NFIC: variants seen among roughly 807,000 people sequenced by gnomAD.
The protein encoded by NFIC is nuclear factor 1 C-type.
In NFIC, 12 loss-of-function variants were observed where a neutral mutation model predicts 54.4. The observed-to-expected ratio is 0.22, with a 90% CI of 0.14 to 0.36. The LOEUF (loss-of-function observed/expected upper bound fraction) is 0.36, where lower values mean the gene tolerates loss of function less well. Ranked by LOEUF, NFIC falls within the 10% of genes least tolerant of loss-of-function variation. NFIC has a pLI of 1.00. For synonymous variants in NFIC, 322 were observed against 319.2 expected (o/e 1.01, Z -0.09); for missense variants, 575 against 718.2 (o/e 0.80, Z 2.28).
intron 2 of NFIC, among the ~76,000 whole-genome samples, chr19:3,414,033 C>T (rs1437591154): frequency 6.6e-6 from 1 of 152,090 alleles, no homozygotes; most frequent in Non-Finnish European, 1.5e-5. Context: ...GCCGCTGTGT[C>T]CCTTGGGCGT....
At chr19:3,366,266 G>C (rs1380295965), upstream of NFIC, among the ~76,000 whole-genome samples, 4 of 150,354 alleles carry the variant, frequency 2.7e-5, no homozygotes. Context: ...TGAGACGTCG[G>C]GGGAGGCTCT....
intron 2 of NFIC, among the ~76,000 whole-genome samples, chr19:3,394,951 C>T (rs1431087535): frequency 6.6e-6 from 1 of 152,058 alleles, no homozygotes; most frequent in South Asian, 2.1e-4. Context: ...GTCCCTGGGG[C>T]CAAGAAGGTT....
At position 3,452,512 on chromosome 19, in the gene NFIC, C is replaced by G. The variant is rs2082481120; in HGVS notation, c.1115C>G (p.Ala372Gly). The G allele has an allele frequency of 1.2e-6, 2 of 1,613,074 alleles. No individual in the cohort carries two copies. Among genetic ancestry groups the G allele is most frequent in the Non-Finnish European group, 8.5e-7 (1 of 1,180,016 alleles). The change falls in exon 8 of 11, where the codon GCT (alanine) becomes GGT (glycine). Residue 372 changes from alanine (A) to glycine (G), a missense_variant. Ala to Gly is a moderately conservative substitution (Grantham distance 60). Transcript: ENST00000443272. This position sits in a 1 kb window ranked among gnomAD's most constrained non-coding sequence, Gnocchi z 5.3. ...GIARSPHPSS[A>G]LHFPTTSILP... The stretch of plus-strand genomic sequence containing the variant: ...GCCCGGAGCCCACACCCGTCCTCCG[C>G]TCTGCATTTCCCTACGACGTCCATC...
chr19:3,456,666 G>C, intron 10 of NFIC, 31 bp downstream of exon 10: 1 of 1,444,040 alleles, frequency 6.9e-7, no homozygotes, highest in Non-Finnish European at 9.5e-7. Context: ...TGGTGGGGTG[G>C]GAGGGGCAGG....
intron 2 of NFIC, among the ~76,000 whole-genome samples, chr19:3,391,275 A>C (rs1393845665): frequency 6.6e-6 from 1 of 152,056 alleles, no homozygotes; most frequent in Admixed American, 6.6e-5. Context: ...CCACCAAAAA[A>C]TGGTAAATTT....
At chr19:3,442,200 C>T (rs890013144) in intron 6 of NFIC, among the ~76,000 whole-genome samples, 1 of 152,220 alleles carries the variant, frequency 6.6e-6, no homozygotes, top group Non-Finnish European at 1.5e-5. Flanking sequence ...TCCCTGCTTA[C>T]GCGGCTGCGT....
intron 2 of NFIC, among the ~76,000 whole-genome samples, chr19:3,396,622 G>A (rs753437245): frequency 2.6e-5 from 4 of 152,002 alleles, no homozygotes; most frequent in Non-Finnish European, 4.4e-5. Context: ...GGGACACCAC[G>A]GCCGCTCGTA....
At chr19:3,414,367 C>T (rs992967424) in intron 2 of NFIC, among the ~76,000 whole-genome samples, 8 of 152,066 alleles carry the variant, frequency 5.3e-5, no homozygotes, top group Admixed American at 2.0e-4. Flanking sequence ...GAGTCCGAGG[C>T]GGACGGATCA....
At chr19:3,395,676 A>T (rs1376898003) in intron 2 of NFIC, among the ~76,000 whole-genome samples, 1 of 150,472 alleles carries the variant, frequency 6.6e-6, no homozygotes, top group Non-Finnish European at 1.5e-5. Flanking sequence ...TTTTATTTTT[A>T]TTTATTTATT....
intron 2 of NFIC, among the ~76,000 whole-genome samples, chr19:3,392,887 C>T (rs1160994038): frequency 1.3e-5 from 2 of 152,194 alleles, no homozygotes; most frequent in Non-Finnish European, 2.9e-5. Flanking sequence ...GGCATTGCCC[C>T]GAGTTGCCCA....
intron 2 of NFIC, among the ~76,000 whole-genome samples, chr19:3,415,181 C>T (rs1277785769): frequency 6.6e-6 from 1 of 150,932 alleles, no homozygotes; most frequent in Non-Finnish European, 1.5e-5. Flanking sequence ...GGTACGATCT[C>T]GGCTCACTGC....
At chr19:3,401,507 C>T (rs959303085) in intron 2 of NFIC, among the ~76,000 whole-genome samples, 1 of 152,190 alleles carries the variant, frequency 6.6e-6, no homozygotes, top group Non-Finnish European at 1.5e-5. Context: ...CTCCTTGCCC[C>T]GTCTCCTGCC....
chr19:3,456,784 C>A, intron 10 of NFIC, 149 bp downstream of exon 10: 1 of 773,204 alleles, frequency 1.3e-6, no homozygotes, highest in Non-Finnish European at 2.1e-6. Context: ...GGGCCTCGAG[C>A]CCCCACCTGG....
Position 3,382,107 on chromosome 19 carries a change from G to A in NFIC, c.426G>A (p.Pro142=), listed in dbSNP as rs146650773. ...LVMVILFKGI[P]LESTDGERLV... is the part of the protein sequence containing the mutation. ...TGGTCATCCTGTTCAAGGGCATCCCGCTGGAGAGCACCGACGGCGAGCGCC... is the reference window on the plus strand; with the variant it reads ...TGGTCATCCTGTTCAAGGGCATCCCACTGGAGAGCACCGACGGCGAGCGCC... Residue 142 remains proline, a synonymous_variant, in exon 2 of 11, where the codon CCG becomes CCA. Coordinates refer to ENST00000443272, the MANE Select transcript of NFIC (RefSeq NM_001245002.2). 13 of 1,613,310 alleles carry A rather than the reference G, an allele frequency of 8.1e-6. No individual in the cohort carries two copies. Among genetic ancestry groups the A allele is most frequent in the Non-Finnish European group, 5.1e-6 (6 of 1,179,954 alleles).
At chr19:3,426,320 C>A (rs2082027151) in intron 3 of NFIC, among the ~76,000 whole-genome samples, 1 of 151,964 alleles carries the variant, frequency 6.6e-6, no homozygotes, top group Non-Finnish European at 1.5e-5. Flanking sequence ...CTCAAGTGAT[C>A]CTCCTGTCTT....
At chr19:3,422,303 G>A (rs1017202809) in intron 2 of NFIC, among the ~76,000 whole-genome samples, 2 of 151,796 alleles carry the variant, frequency 1.3e-5, no homozygotes, top group Non-Finnish European at 2.9e-5. Flanking sequence ...CGAACTCCTG[G>A]CCTCAAGCGA....
intron 6 of NFIC, among the ~76,000 whole-genome samples, chr19:3,436,944 TG>T (rs1485025331): frequency 6.6e-6 from 1 of 152,038 alleles, no homozygotes; most frequent in Admixed American, 6.6e-5. Context: ...ATCTCCACAA[TG>T]GGGGTGATGT....
At chr19:3,398,715 G>T (rs1350313421) in intron 2 of NFIC, among the ~76,000 whole-genome samples, 2 of 152,182 alleles carry the variant, frequency 1.3e-5, no homozygotes, top group African/African-American at 4.8e-5. Flanking sequence ...GCCCGGGACA[G>T]GTTGCTGCCG....
intron 10 of NFIC, among the ~76,000 whole-genome samples, chr19:3,457,049 C>T (rs530695819): frequency 4.6e-5 from 7 of 152,162 alleles, no homozygotes; most frequent in African/African-American, 1.7e-4. Context: ...ACGCCGAGGC[C>T]TAGAGGGACC....
Sources: gnomAD v4.1 joint callset for allele counts (sites outside exome capture counted in the v4.1 genomes callset) on GRCh38, gnomAD v4.1.1 for gene constraint, Gnocchi (gnomAD v3.1) non-coding constraint, MANE v1.5 for transcripts, NCBI Gene and HGNC (gene_info 2026-07-23, HGNC 2026-07-21) for gene names.